LRBA: variants seen among roughly 807,000 people sequenced by gnomAD.
LRBA encodes lipopolysaccharide-responsive and beige-like anchor protein.
In LRBA, 176 loss-of-function variants were observed where a neutral mutation model predicts 330.0. That is an observed-to-expected ratio of 0.53 (90% CI 0.47 to 0.60). The LOEUF (loss-of-function observed/expected upper bound fraction) is 0.60, where lower values mean the gene tolerates loss of function less well. LRBA is among the 20% of genes least tolerant of loss of function. The pLI is 0.00. For missense variants in LRBA, 3,259 were observed against 3,444.8 expected (o/e 0.95, Z 1.35); for synonymous variants, 1,230 against 1,193.0 (o/e 1.03, Z -0.64).
chr4:151,009,378 G>C (rs903263787), intron 2 of LRBA, among the ~76,000 whole-genome samples: 2 of 151,680 alleles, frequency 1.3e-5, no homozygotes, highest in East Asian at 3.9e-4. Flanking sequence ...GTGAAACCCC[G>C]TCTCTACTAA....
chr4:150,828,094 T>C (rs1746540971), intron 30 of LRBA, 86 bp downstream of exon 30: 1 of 1,242,354 alleles, frequency 8.0e-7, no homozygotes, highest in Non-Finnish European at 1.1e-6. Context: ...GATTTTCGGC[T>C]ACACAGGGCG....
At position 150,900,082 on chromosome 4, in the gene LRBA, G is replaced by C. The variant is rs1483119380; in HGVS notation, c.1891C>G (p.Gln631Glu). 1.2e-6 allele frequency: 2 copies of C among 1,613,388 alleles called. No individual in the cohort carries two copies. The highest frequency in any genetic ancestry group is 1.7e-5 in the Admixed American group (1 of 59,964). ...TTTGGGGTGATACCACTTCGATCCTGAGGATTCACTGCCCAGTAGTAGTAC... is the reference window on the plus strand; with the variant it reads ...TTTGGGGTGATACCACTTCGATCCTCAGGATTCACTGCCCAGTAGTAGTAC... ...LKYYYWAVNP[Q>E]DRSGITPKGL... The change falls in exon 14 of 57, where the codon CAG (glutamine) becomes GAG (glutamate). Residue 631 changes from glutamine to glutamate, a missense_variant. Physicochemically the swap from Gln to Glu is conservative, Grantham distance 29. Coordinates refer to ENST00000651943, the MANE Select transcript of LRBA (RefSeq NM_001364905.1).
intron 37 of LRBA, among the ~76,000 whole-genome samples, chr4:150,668,119 C>G (rs964517903): frequency 6.6e-6 from 1 of 152,116 alleles, no homozygotes; most frequent in Non-Finnish European, 1.5e-5. Flanking sequence ...GTAAAAATGG[C>G]CTCTGGAAGT....
intron 40 of LRBA, chr4:150,580,968 C>T (rs975712223): frequency 1.3e-5 from 2 of 152,942 alleles, no homozygotes; most frequent in Non-Finnish European, 2.9e-5. Context: ...GTACCTGTAC[C>T]CCCTAAGAAT....
intron 44 of LRBA, among the ~76,000 whole-genome samples, chr4:150,463,023 T>C (rs576959273): frequency 1.3e-4 from 20 of 152,108 alleles, no homozygotes; most frequent in Admixed American, 1.1e-3. Context: ...AATGAGGTAC[T>C]TTTACTAAGT....
chr4:150,892,974 A>G, intron 17 of LRBA, 78 bp downstream of exon 17: 1 of 870,212 alleles, frequency 1.1e-6, no homozygotes, highest in South Asian at 1.9e-5. Flanking sequence ...GTAAGTTTAA[A>G]TAATCCTTTT....
Position 150,349,994 on chromosome 4 carries a change from C to T in LRBA, c.7360G>A (p.Glu2454Lys). ...LNSITDPVLR[E>K]AVEAQIRSFG... is the part of the protein sequence containing the mutation. ...CTTTCTCAATTCAGATAACTTACCT[C>T]TCTCAACACAGGATCAGTTATTGAA... is the stretch of plus-strand genomic sequence containing the variant. The change falls in exon 48 of 57, where the codon GAG (glutamate) becomes AAG (lysine). Residue 2454 changes from glutamate (E) to lysine (K), a missense_variant and splice_region_variant. Coordinates refer to ENST00000651943, the MANE Select transcript of LRBA (RefSeq NM_001364905.1). The T allele has an allele frequency of 6.2e-7, 1 of 1,613,490 alleles. No individual in the cohort carries two copies. The highest frequency in any genetic ancestry group is 8.5e-7 in the Non-Finnish European group (1 of 1,179,690).
At chr4:150,610,466 G>C (rs1159415326) in intron 37 of LRBA, among the ~76,000 whole-genome samples, 1 of 152,174 alleles carries the variant, frequency 6.6e-6, no homozygotes, top group African/African-American at 2.4e-5. Context: ...GTGTGTGCCT[G>C]TAATCCCAGC....
intron 43 of LRBA, among the ~76,000 whole-genome samples, chr4:150,470,540 G>A (rs976174990): frequency 6.6e-6 from 1 of 151,846 alleles, no homozygotes; most frequent in Non-Finnish European, 1.5e-5. Context: ...TCTAAGTTCC[G>A]AATATCCTCC....
intron 30 of LRBA, among the ~76,000 whole-genome samples, chr4:150,825,691 G>C: frequency 6.6e-6 from 1 of 152,136 alleles, no homozygotes; most frequent in East Asian, 1.9e-4. Flanking sequence ...CTCTCTCCCA[G>C]TTCTCATATA....
Position 150,583,493 on chromosome 4 carries a change from C to A in LRBA, c.6330+4555G>T, listed in dbSNP as rs777977957. The A allele has an allele frequency of 6.2e-6, 10 of 1,613,854 alleles. No individual in the cohort carries two copies. The African/African-American group carries it at 1.3e-4, about 22-fold the overall frequency. On this transcript the variant is annotated intron_variant, in intron 40 of 56. Coordinates refer to ENST00000651943, the MANE Select transcript of LRBA (RefSeq NM_001364905.1). The surrounding 1 kb of genome is among the most constrained non-coding windows in gnomAD (Gnocchi z 9.8). The stretch of plus-strand genomic sequence containing the variant: ...GATGTGGTCAAGATGATCGCGGACA[C>A]CAGCGAGGTCAAGTTGCGCATCAGG...
At chr4:150,903,289 G>A (rs749656647) in intron 13 of LRBA, among the ~76,000 whole-genome samples, 1 of 151,776 alleles carries the variant, frequency 6.6e-6, no homozygotes, top group Non-Finnish European at 1.5e-5. Context: ...GGAGGCTGAG[G>A]CAGGAGGACT....
chr4:150,606,736 A>G (rs1317071921), intron 37 of LRBA, among the ~76,000 whole-genome samples: 3 of 152,180 alleles, frequency 2.0e-5, no homozygotes, highest in Non-Finnish European at 2.9e-5. Context: ...TTTTCACTAC[A>G]TAGCATTTCC....
chr4:150,566,066 A>G (rs1769091814), intron 40 of LRBA, among the ~76,000 whole-genome samples: 1 of 149,984 alleles, frequency 6.7e-6, no homozygotes, highest in African/African-American at 2.5e-5. Flanking sequence ...TGTCTCTACA[A>G]AAAAAAAAAA....
At chr4:150,488,419 G>C (rs1758150930) in intron 41 of LRBA, among the ~76,000 whole-genome samples, 1 of 151,518 alleles carries the variant, frequency 6.6e-6, no homozygotes, top group Non-Finnish European at 1.5e-5. Context: ...AAAACAATGT[G>C]TGATCTGAAG....
chr4:150,280,326 C>T (rs944629644), intron 55 of LRBA, among the ~76,000 whole-genome samples: 3 of 152,168 alleles, frequency 2.0e-5, no homozygotes, highest in African/African-American at 7.2e-5. Flanking sequence ...TGGACAATGC[C>T]GTGGCTGCAC....
intron 16 of LRBA, among the ~76,000 whole-genome samples, chr4:150,894,037 T>C (rs1729785750): frequency 6.6e-6 from 1 of 152,210 alleles, no homozygotes; most frequent in Non-Finnish European, 1.5e-5. Context: ...TGAATCAAGA[T>C]TTTGTAAAAC....
intron 40 of LRBA, among the ~76,000 whole-genome samples, chr4:150,527,266 C>T (rs1047111409): frequency 9.9e-5 from 15 of 152,030 alleles, no homozygotes; most frequent in African/African-American, 2.9e-4. Context: ...ACATCGAATC[C>T]GAGATACCTA....
At chr4:150,681,739 GA>G (rs889674913) in intron 37 of LRBA, among the ~76,000 whole-genome samples, 2 of 151,968 alleles carry the variant, frequency 1.3e-5, no homozygotes, top group African/African-American at 4.8e-5. Context: ...CATTTGAGAG[GA>G]AAAAGTAAGA....
Sources: allele counts gnomAD v4.1 joint callset (sites outside exome capture counted in the v4.1 genomes callset), GRCh38; gene constraint gnomAD v4.1.1; non-coding constraint Gnocchi (gnomAD v3.1); transcripts MANE v1.5; gene names NCBI Gene and HGNC (gene_info 2026-07-23, HGNC 2026-07-21).